The following TTC7B variants were observed in gnomAD, a reference collection of about 807,000 sequenced individuals.
TTC7B encodes tetratricopeptide repeat protein 7B.
Under a neutral mutation model 106.8 loss-of-function variants are expected in TTC7B, and 28 were observed. The ratio of observed to expected loss-of-function variants is 0.26; its 90% CI spans 0.19 to 0.36. TTC7B has a LOEUF of 0.36. Ranked by LOEUF, TTC7B falls within the 10% of genes least tolerant of loss-of-function variation. TTC7B has a pLI of 1.00. For synonymous variants in TTC7B, 405 were observed against 430.6 expected (o/e 0.94, Z 0.74); for missense variants, 862 against 1,076.4 (o/e 0.80, Z 2.79).
chr14:90,657,069 C>CTGA lies in TTC7B; in HGVS notation c.1341+102_1341+104dup, dbSNP rs1885977564. 1.0e-6 allele frequency: 1 copy of CTGA among 1,000,622 alleles called. No homozygotes were observed. Among genetic ancestry groups the CTGA allele is most frequent in the Non-Finnish European group, 1.5e-6 (1 of 669,404 alleles). The allele number at this position is 1,000,622 out of a possible 1,614,324, so 62.0% of individuals were successfully genotyped here. A position where few individuals can be genotyped will look rare whatever the true frequency, so the allele number is the denominator to read the frequency against. On this transcript the variant is annotated intron_variant, in intron 11 of 19. Coordinates refer to ENST00000328459, the MANE Select transcript of TTC7B (RefSeq NM_001010854.2). The surrounding 1 kb of genome is among the most constrained non-coding windows in gnomAD (Gnocchi z 4.2). ...TCTACACAGTCTTGTCTTTGTACAG[C>CTGA]TGATGAATCACCCTCGCTTTCTCTC... is the stretch of plus-strand genomic sequence containing the variant.
At chr14:90,560,152 C>T (rs1890510606) in intron 19 of TTC7B, among the ~76,000 whole-genome samples, 2 of 152,256 alleles carry the variant, frequency 1.3e-5, no homozygotes, top group African/African-American at 4.8e-5. Context: ...TCCCCCATCA[C>T]AGTTCAAACC....
chr14:90,749,402 CTTTTTTT>C (rs3085716), intron 3 of TTC7B, among the ~76,000 whole-genome samples: 2 of 117,200 alleles, frequency 1.7e-5, no homozygotes, highest in African/African-American at 3.2e-5. Context: ...AATAATTTTT[CTTTTTTT>C]TTTTTTTTTT....
intron 3 of TTC7B, chr14:90,772,726 C>T (rs1890904050): frequency 6.6e-6 from 1 of 152,180 alleles, no homozygotes; most frequent in Non-Finnish European, 1.5e-5. Context: ...AATCCCAGCA[C>T]TTTGGGAGGC....
intron 12 of TTC7B, among the ~76,000 whole-genome samples, chr14:90,653,620 G>C (rs899367502): frequency 1.3e-5 from 2 of 152,232 alleles, no homozygotes; most frequent in Admixed American, 6.5e-5. Context: ...AAGTCCTGGA[G>C]GAAACTGTTT....
At chr14:90,629,140 C>T (rs1663943028) in intron 15 of TTC7B, among the ~76,000 whole-genome samples, 1 of 152,226 alleles carries the variant, frequency 6.6e-6, no homozygotes, top group South Asian at 2.1e-4. Flanking sequence ...CTGAAGGTGG[C>T]TTATCAATTC....
rs1414388940 is a variant in TTC7B, at chr14:90,535,178, G to A, written c.*6190C>T. On this transcript the variant is annotated 3_prime_UTR_variant, in exon 20 of 20. Coordinates refer to ENST00000328459, the MANE Select transcript of TTC7B (RefSeq NM_001010854.2). Reference sequence around the variant, plus strand: ...GGACCTGGAAGGAGGCAGAGAGACAGACAGACGAGCCCATGGATCCCAAAT... The same window carrying A: ...GGACCTGGAAGGAGGCAGAGAGACAAACAGACGAGCCCATGGATCCCAAAT... 1 of 152,574 alleles carries A rather than the reference G, an allele frequency of 6.6e-6. No individual in the cohort carries two copies. The highest frequency in any genetic ancestry group is 2.4e-5 in the African/African-American group (1 of 41,434). The allele number at this position is 152,574 out of a possible 1,614,324, so 9.5% of individuals were successfully genotyped here. A position where few individuals can be genotyped will look rare whatever the true frequency, so the allele number is the denominator to read the frequency against.
At chr14:90,654,919 T>C (rs1885881715) in intron 12 of TTC7B, 74 bp downstream of exon 12, 2 of 1,202,110 alleles carry the variant, frequency 1.7e-6, no homozygotes, top group East Asian at 2.3e-5. Context: ...AAGGGGACTG[T>C]GGGAATCCCG....
chr14:90,657,462 G>A lies in TTC7B; in HGVS notation c.1237-184C>T, dbSNP rs1885998855. 7.4e-6 allele frequency: 4 copies of A among 537,944 alleles called. No homozygotes were observed. Among genetic ancestry groups the A allele is most frequent in the Admixed American group, 6.9e-5 (2 of 28,914 alleles). 33.3% of individuals were successfully genotyped at this position (537,944 alleles called of 1,614,324 possible). A position where few individuals can be genotyped will look rare whatever the true frequency, so the allele number is the denominator to read the frequency against. ...CCTGCGGCTTCTGAGTGACTGGGGA[G>A]TACACTGGGTTAAAAGCCAGCAGGA... On this transcript the variant is annotated intron_variant, in intron 10 of 19. Transcript: ENST00000328459. This position sits in a 1 kb window ranked among gnomAD's most constrained non-coding sequence, Gnocchi z 4.2.
chr14:90,691,169 A>G (rs1185613037), intron 6 of TTC7B, among the ~76,000 whole-genome samples: 1 of 152,210 alleles, frequency 6.6e-6, no homozygotes, highest in African/African-American at 2.4e-5. Context: ...TATAGCTGAG[A>G]AATAAGTGTT....
chr14:90,806,834 G>A (rs546778214), intron 1 of TTC7B, among the ~76,000 whole-genome samples: 1 of 152,248 alleles, frequency 6.6e-6, no homozygotes, highest in Admixed American at 6.5e-5. Flanking sequence ...TTGAGCCTGC[G>A]AGGTTGAGGC....
intron 4 of TTC7B, among the ~76,000 whole-genome samples, chr14:90,743,011 T>C (rs1047347370): frequency 6.6e-6 from 1 of 152,226 alleles, no homozygotes; most frequent in African/African-American, 2.4e-5. Context: ...ACTTCTCGAC[T>C]GCCAAGCACG....
intron 19 of TTC7B, among the ~76,000 whole-genome samples, chr14:90,571,602 T>A (rs1891038258): frequency 6.6e-6 from 1 of 152,266 alleles, no homozygotes; most frequent in Non-Finnish European, 1.5e-5. Flanking sequence ...GCCTTCTCAC[T>A]GGACTATCAT....
In TTC7B at chr14:90,556,186, G is replaced by C. The variant is rs569803829; in HGVS notation, c.2311-14597C>G. On this transcript the variant is annotated intron_variant, in intron 19 of 19. Transcript: ENST00000328459. ...AGCGCTGGCTGGGTGGGGGCCCCGT[G>C]GGGGCGGAGAGGAGACAGGAGGAAG... Among the ~76,000 whole-genome samples, 6 of 152,328 alleles carry C rather than the reference G, an allele frequency of 3.9e-5. No homozygotes were observed. The East Asian group carries it at 1.2e-3, about 29-fold the overall frequency.
At chr14:90,643,224 T>C (rs1481343189) in intron 15 of TTC7B, among the ~76,000 whole-genome samples, 1 of 151,954 alleles carries the variant, frequency 6.6e-6, no homozygotes, top group East Asian at 1.9e-4. Flanking sequence ...CTGACCAACA[T>C]GGTGAAACCC....
chr14:90,777,115 C>A (rs1049618447), intron 3 of TTC7B, among the ~76,000 whole-genome samples: 3 of 152,148 alleles, frequency 2.0e-5, no homozygotes, highest in African/African-American at 7.2e-5. Context: ...TAGTGCACAC[C>A]TGTAATCCCA....
At chr14:90,721,500 C>T (rs1056980741) in intron 5 of TTC7B, among the ~76,000 whole-genome samples, 11 of 151,882 alleles carry the variant, frequency 7.2e-5, no homozygotes, top group African/African-American at 2.4e-4. Context: ...TTTATTCATA[C>T]ATAATTACGT....
intron 19 of TTC7B, among the ~76,000 whole-genome samples, chr14:90,560,184 C>T (rs1200955771): frequency 1.3e-5 from 2 of 152,276 alleles, no homozygotes; most frequent in Non-Finnish European, 2.9e-5. Context: ...GTGGTGTCAG[C>T]AAACTGCCTC....
At chr14:90,598,260 C>T (rs767220228) in intron 17 of TTC7B, among the ~76,000 whole-genome samples, 12 of 152,220 alleles carry the variant, frequency 7.9e-5, no homozygotes, top group South Asian at 2.1e-4. Context: ...TGTCGTCAAA[C>T]GGCCCGAATG....
intron 17 of TTC7B, chr14:90,603,128 G>A (rs1303836781): frequency 3.5e-6 from 2 of 565,386 alleles, no homozygotes; most frequent in African/African-American, 3.9e-5. Context: ...GCAGGCAGGT[G>A]GCAGAGGGAT....
Sources: allele counts gnomAD v4.1 joint callset (sites outside exome capture counted in the v4.1 genomes callset), GRCh38; gene constraint gnomAD v4.1.1; non-coding constraint Gnocchi (gnomAD v3.1); transcripts MANE v1.5; gene names NCBI Gene and HGNC (gene_info 2026-07-23, HGNC 2026-07-21).